Variants in ATP8B1 observed in about 807,000 individuals in gnomAD.
The protein encoded by ATP8B1 is ATPase phospholipid transporting 8B1.
A neutral mutation model predicts 149.9 loss-of-function variants in ATP8B1; 80 were observed. That is an observed-to-expected ratio of 0.53 (90% confidence interval 0.45 to 0.64). The LOEUF is 0.64. Ranked by LOEUF, ATP8B1 falls within the 30% of genes least tolerant of loss-of-function variation. The pLI, the probability that ATP8B1 is intolerant of heterozygous loss-of-function variation, is 0.00. For missense variants in ATP8B1, 1,247 were observed against 1,552.6 expected, an observed-to-expected ratio of 0.80 and a Z score of 3.31; for synonymous variants, 536 against 562.8, an observed-to-expected ratio of 0.95 and a Z score of 0.67.
At chr18:57,679,013 C>T (rs191442629) in intron 15 of ATP8B1, among the ~76,000 whole-genome samples, 156 of 138,928 alleles carry the variant, frequency 1.1e-3, no homozygotes, top group Middle Eastern at 3.8e-3. Flanking sequence ...TCCCAGCCAA[C>T]GCAGCAGGCT....
At chr18:57,652,239 C>T (rs1909669131) in intron 25 of ATP8B1, 67 bp from the exon 26 acceptor site, 1 of 1,594,190 alleles carries the variant, frequency 6.3e-7, no homozygotes, top group East Asian at 2.2e-5. Context: ...AAGGATCTAA[C>T]AATCCTGAAA....
chr18:57,693,345 C>T (rs528217603), intron 11 of ATP8B1, among the ~76,000 whole-genome samples: 20 of 152,244 alleles, frequency 1.3e-4, no homozygotes, highest in African/African-American at 4.3e-4. Flanking sequence ...TTGCAAGGTT[C>T]GCCCTGGGCT....
chr18:57,711,364 A>G (rs920985835), intron 2 of ATP8B1, among the ~76,000 whole-genome samples: 1 of 152,224 alleles, frequency 6.6e-6, no homozygotes, highest in African/African-American at 2.4e-5. Flanking sequence ...CCTCCAAATT[A>G]CACTGTTAAG....
intron 8 of ATP8B1, among the ~76,000 whole-genome samples, chr18:57,697,364 C>G (rs1339019238): frequency 6.6e-6 from 1 of 152,162 alleles, no homozygotes; most frequent in Non-Finnish European, 1.5e-5. Context: ...TGTCTGGACG[C>G]TGCTCAGCAG....
chr18:57,769,167 G>A (rs2080244991), intron 1 of ATP8B1, among the ~76,000 whole-genome samples: 1 of 152,174 alleles, frequency 6.6e-6, no homozygotes, highest in Non-Finnish European at 1.5e-5. Context: ...AGAAAGCAGA[G>A]CCAAGTGTAT....
chr18:57,795,876 T>TAG (rs1555657946), intron 1 of ATP8B1, among the ~76,000 whole-genome samples: 6 of 132,958 alleles, frequency 4.5e-5, no homozygotes, highest in Non-Finnish European at 9.8e-5. Flanking sequence ...ATTTTACATT[T>TAG]AAAAAAAAAA....
At chr18:57,782,168 G>A (rs1404223424) in intron 1 of ATP8B1, among the ~76,000 whole-genome samples, 1 of 152,246 alleles carries the variant, frequency 6.6e-6, no homozygotes, top group Non-Finnish European at 1.5e-5. Context: ...GAATGGAGCA[G>A]AAAGGGCAGA....
intron 1 of ATP8B1, among the ~76,000 whole-genome samples, chr18:57,746,717 G>A (rs1340792116): frequency 6.6e-6 from 1 of 151,874 alleles, no homozygotes; most frequent in Non-Finnish European, 1.5e-5. Flanking sequence ...CTCAAGTGTT[G>A]CACCTGCCTT....
intron 3 of ATP8B1, among the ~76,000 whole-genome samples, chr18:57,705,453 G>T (rs555552291): frequency 1.3e-5 from 2 of 152,292 alleles, no homozygotes; most frequent in East Asian, 3.9e-4. Flanking sequence ...TAGGATCTTC[G>T]CAGAGATAAT....
intron 2 of ATP8B1, among the ~76,000 whole-genome samples, chr18:57,714,936 C>T (rs553676334): frequency 1.3e-5 from 2 of 152,242 alleles, no homozygotes; most frequent in East Asian, 3.9e-4. Flanking sequence ...CATGACTTCA[C>T]CAAACAAACT....
In ATP8B1 at chr18:57,695,509, A is replaced by G. The variant is rs141225227; in HGVS notation, c.722T>C (p.Met241Thr). 6 of 1,612,076 alleles carry G rather than the reference A, an allele frequency of 3.7e-6. No individual in the cohort carries two copies. In the African/African-American group the frequency reaches 8.0e-5, roughly 22 times the overall value. The change falls in exon 9 of 28, where the codon ATG (methionine) becomes ACG (threonine). Residue 241 changes from methionine (M) to threonine (T), a missense_variant. Transcript: ENST00000648908. ...LDGETNLKFK[M>T]SLEITDQYLQ... ...GTACTGGTCTGTGATTTCAAGTGAC[A>G]TCTTAAATTTTAAATTGGTTTCTCT...
intron 1 of ATP8B1, among the ~76,000 whole-genome samples, chr18:57,758,507 G>A (rs923111515): frequency 6.6e-6 from 1 of 151,774 alleles, no homozygotes; most frequent in African/African-American, 2.4e-5. Flanking sequence ...AATTAGCCAG[G>A]CACAGTGGTG....
rs767126171 is a variant in ATP8B1 at position 57,691,871 on chromosome 18, A to C, written c.1156T>G (p.Phe386Val). 3.7e-6 allele frequency: 6 copies of C among 1,614,194 alleles called. No homozygotes were observed. In the East Asian group the frequency reaches 1.3e-4, roughly 36 times the overall value. Reference sequence around the variant, plus strand: ...ATGATATAGCCCCAGAAAATGAGGAATCCACGGTAGGAGGGTGTATCGTCT... The same window carrying C: ...ATGATATAGCCCCAGAAAATGAGGACTCCACGGTAGGAGGGTGTATCGTCT... Reference protein sequence around the residue: ...GEDDTPSYRGFLIFWGYIIVL... With the variant: ...GEDDTPSYRGVLIFWGYIIVL... Residue 386 changes from phenylalanine to valine, a missense_variant, in exon 12 of 28, where the codon TTC (phenylalanine) becomes GTC (valine). Around this residue, in one of 3 missense-constraint regions of ATP8B1, gnomAD observed 853 missense variants for 1,035.7 expected, o/e 0.82. Coordinates refer to ENST00000648908, the MANE Select transcript of ATP8B1 (RefSeq NM_001374385.1).
chr18:57,797,513 A>G (rs1321049928), intron 1 of ATP8B1, among the ~76,000 whole-genome samples: 1 of 152,134 alleles, frequency 6.6e-6, no homozygotes, highest in African/African-American at 2.4e-5. Flanking sequence ...TCCCCACCAC[A>G]GCTTCCAGGC....
In ATP8B1 at chr18:57,803,182, G is replaced by C. The variant is rs2080601073; in HGVS notation, c.-210C>G. On this transcript the variant is annotated 5_prime_UTR_variant, in exon 1 of 28. Coordinates refer to ENST00000648908, the MANE Select transcript of ATP8B1 (RefSeq NM_001374385.1). ...GTGTCTAGTTGGCGGCGGCACCTCCGGCTCTCGCGGCTCGCTAGTGGCTCC... is the reference window on the plus strand; with the variant it reads ...GTGTCTAGTTGGCGGCGGCACCTCCCGCTCTCGCGGCTCGCTAGTGGCTCC... 1 of 152,554 alleles carries C rather than the reference G, an allele frequency of 6.6e-6. No individual in the cohort carries two copies. Among genetic ancestry groups the C allele is most frequent in the African/African-American group, 2.4e-5 (1 of 41,466 alleles). 9.5% of individuals were successfully genotyped at this position (152,554 alleles called of 1,614,324 possible).
chr18:57,792,537 G>A (rs1568073989), intron 1 of ATP8B1, among the ~76,000 whole-genome samples: 1 of 152,074 alleles, frequency 6.6e-6, no homozygotes, highest in African/African-American at 2.4e-5. Flanking sequence ...AAAATGCCCG[G>A]AATCGGCAAA....
chr18:57,688,456 T>C lies in ATP8B1; in HGVS notation c.1272A>G (p.Gln424=). 1 of 1,614,154 alleles carries C rather than the reference T, an allele frequency of 6.2e-7. No individual in the cohort carries two copies. Among genetic ancestry groups the C allele is most frequent in the Non-Finnish European group, 8.5e-7 (1 of 1,180,020 alleles). The part of the protein sequence containing the change: ...GQSHFINWDL[Q]MYYAEKDTPA... ...GTGTGTCCTTCTCAGCATAGTACAT[T>C]TGCAGGTCCCAGTTGATGAAGTGAC... Residue 424 remains glutamine (Q), a synonymous_variant, in exon 13 of 28, where the codon CAA becomes CAG. Transcript: ENST00000648908.
At chr18:57,756,628 T>C (rs2080087251) in intron 1 of ATP8B1, among the ~76,000 whole-genome samples, 1 of 146,432 alleles carries the variant, frequency 6.8e-6, no homozygotes, top group Non-Finnish European at 1.5e-5. Flanking sequence ...TTTACAACAC[T>C]GACATTAAAA....
intron 17 of ATP8B1, among the ~76,000 whole-genome samples, chr18:57,670,810 G>A (rs902680135): frequency 2.6e-5 from 4 of 151,768 alleles, no homozygotes; most frequent in African/African-American, 4.8e-5. Context: ...GGGTTCAAGC[G>A]ATTCTCCTGC....
Sources: allele counts gnomAD v4.1 joint callset (sites outside exome capture counted in the v4.1 genomes callset), GRCh38; gene constraint gnomAD v4.1.1; regional missense constraint gnomAD v4.1.1; transcripts MANE v1.5; gene names NCBI Gene and HGNC (gene_info 2026-07-23, HGNC 2026-07-21).